The following HTR1E variants were observed in gnomAD, a reference collection of about 807,000 sequenced individuals.
HTR1E encodes 5-HT-1E.
HTR1E carries 3 observed loss-of-function variants against 3.4 expected under a neutral mutation model. The ratio of observed to expected loss-of-function variants is 0.89; its 90% CI spans 0.41 to 2.31. The LOEUF (loss-of-function observed/expected upper bound fraction) is 2.31. Among genes scored for constraint, HTR1E ranks in the 30% most tolerant of loss-of-function variants. The pLI is 0.05. For synonymous variants in HTR1E, 170 were observed against 182.8 expected (o/e 0.93, Z 0.56); for missense variants, 392 against 467.0 (o/e 0.84, Z 1.48).
chr6:87,003,328 A>G (rs1166412956), intron 1 of HTR1E, among the ~76,000 whole-genome samples: 1 of 152,206 alleles, frequency 6.6e-6, no homozygotes, highest in Non-Finnish European at 1.5e-5. Context: ...ACCTGAGGTC[A>G]GGAGTTCAAG....
At chr6:86,979,571 T>C (rs1767683158) in intron 1 of HTR1E, among the ~76,000 whole-genome samples, 1 of 152,152 alleles carries the variant, frequency 6.6e-6, no homozygotes, top group African/African-American at 2.4e-5. Flanking sequence ...TCTATTACAG[T>C]ATAGTTGGAA....
chr6:86,955,744 GTA>G (rs1003461087), intron 1 of HTR1E, among the ~76,000 whole-genome samples: 9 of 151,782 alleles, frequency 5.9e-5, no homozygotes, highest in Admixed American at 2.0e-4. Context: ...GTGTGTGTGT[GTA>G]TGTATGTGTG....
At chr6:86,959,074 G>A (rs1767368224) in intron 1 of HTR1E, among the ~76,000 whole-genome samples, 1 of 151,976 alleles carries the variant, frequency 6.6e-6, no homozygotes. Context: ...AGGTAGGCTG[G>A]AGACCCAGGG....
At chr6:86,972,316 G>A (rs753537603) in intron 1 of HTR1E, among the ~76,000 whole-genome samples, 3 of 152,030 alleles carry the variant, frequency 2.0e-5, no homozygotes, top group Non-Finnish European at 4.4e-5. Context: ...CTATGCAGGG[G>A]TTAAAGGTCA....
chr6:86,997,421 CAT>C (rs1342604025), intron 1 of HTR1E, among the ~76,000 whole-genome samples: 1 of 151,642 alleles, frequency 6.6e-6, no homozygotes, highest in Non-Finnish European at 1.5e-5. Flanking sequence ...TTTCAAATGA[CAT>C]AATCATTTAT....
At chr6:86,976,453 G>T (rs1767640679) in intron 1 of HTR1E, among the ~76,000 whole-genome samples, 1 of 152,110 alleles carries the variant, frequency 6.6e-6, no homozygotes, top group African/African-American at 2.4e-5. Context: ...AGAAACTGTT[G>T]GTTCATACAC....
intron 1 of HTR1E, among the ~76,000 whole-genome samples, chr6:87,006,560 A>C (rs185928760): frequency 2.6e-3 from 395 of 152,346 alleles, no homozygotes; most frequent in African/African-American, 9.0e-3. Flanking sequence ...TTGACCCAGC[A>C]ATCCCATTAC....
chr6:86,972,106 C>G (rs1767566261), intron 1 of HTR1E, among the ~76,000 whole-genome samples: 1 of 152,050 alleles, frequency 6.6e-6, no homozygotes, highest in Non-Finnish European at 1.5e-5. Context: ...GCAATCTTAC[C>G]TACTTTAGTT....
intron 1 of HTR1E, among the ~76,000 whole-genome samples, chr6:86,962,201 G>A (rs1399418825): frequency 2.0e-5 from 3 of 152,196 alleles, no homozygotes; most frequent in Admixed American, 2.0e-4. Context: ...GTGGTAGTAT[G>A]ATCCCCAATC....
At chr6:86,952,402 AG>A (rs572542762) in intron 1 of HTR1E, among the ~76,000 whole-genome samples, 83 of 152,196 alleles carry the variant, frequency 5.5e-4, no homozygotes, top group Non-Finnish European at 1.1e-3. Context: ...TCTTAGCAGG[AG>A]GGGAACAGTA....
chr6:86,981,708 C>T (rs1187582703), intron 1 of HTR1E, among the ~76,000 whole-genome samples: 1 of 152,206 alleles, frequency 6.6e-6, no homozygotes, highest in Admixed American at 6.5e-5. Flanking sequence ...CTACTGCACA[C>T]TGTGTATTAC....
chr6:87,000,635 A>G (rs1212943726), intron 1 of HTR1E, among the ~76,000 whole-genome samples: 1 of 152,232 alleles, frequency 6.6e-6, no homozygotes, highest in African/African-American at 2.4e-5. Flanking sequence ...TTATCCTAAA[A>G]TAGTATATCT....
intron 1 of HTR1E, among the ~76,000 whole-genome samples, chr6:86,980,502 A>T (rs1767697165): frequency 6.6e-6 from 1 of 152,158 alleles, no homozygotes; most frequent in Non-Finnish European, 1.5e-5. Flanking sequence ...ACAGTACAGG[A>T]GGGACTCTCA....
chr6:86,937,939 G>C (rs1329378256), intron 1 of HTR1E, 116 bp downstream of exon 1: 1 of 152,884 alleles, frequency 6.5e-6, no homozygotes, highest in East Asian at 1.9e-4. Context: ...AAAGGCGGCG[G>C]GAGTTGGGAT....
At chr6:87,010,466 G>A (rs1314514152) in intron 1 of HTR1E, among the ~76,000 whole-genome samples, 1 of 151,316 alleles carries the variant, frequency 6.6e-6, no homozygotes, top group East Asian at 1.9e-4. Context: ...TCACCTCCCA[G>A]ACGGGGTCTC....
At chr6:87,013,508 C>G (rs755833608) in intron 1 of HTR1E, among the ~76,000 whole-genome samples, 1 of 152,056 alleles carries the variant, frequency 6.6e-6, no homozygotes, top group Admixed American at 6.5e-5. Flanking sequence ...GTTAACTTTC[C>G]AAAGTGCTGG....
intron 1 of HTR1E, among the ~76,000 whole-genome samples, chr6:86,986,241 A>G (rs1371692996): frequency 6.6e-6 from 1 of 152,194 alleles, no homozygotes; most frequent in Non-Finnish European, 1.5e-5. Context: ...TTTACTATAT[A>G]TGCTTTTTTT....
intron 1 of HTR1E, chr6:86,971,054 A>C (rs1024248284): frequency 9.8e-6 from 5 of 510,528 alleles, no homozygotes; most frequent in Non-Finnish European, 1.5e-5. Flanking sequence ...CACTTCAAAG[A>C]AGCAAATAAC....
rs116215191 is a variant in HTR1E at position 86,993,050 on chromosome 6, A to T, written c.-185-22100A>T. On this transcript the variant is annotated intron_variant, in intron 1 of 1. Coordinates refer to ENST00000305344, the MANE Select transcript of HTR1E (RefSeq NM_000865.3). ...CTCTCCATCCAATAGCTAGATGGAG[A>T]TTAAGAGCACATTAAAGGTTTTTTT... is the stretch of plus-strand genomic sequence containing the variant. Among the ~76,000 whole-genome samples, 416 of 152,252 alleles carry T rather than the reference A, an allele frequency of 2.7e-3. 1 individual carries two copies. The highest frequency in any genetic ancestry group is 9.6e-3 in the African/African-American group (398 of 41,548).
Sources: gnomAD v4.1 joint callset for allele counts (sites outside exome capture counted in the v4.1 genomes callset) on GRCh38, gnomAD v4.1.1 for gene constraint, MANE v1.5 for transcripts, NCBI Gene and HGNC (gene_info 2026-07-23, HGNC 2026-07-21) for gene names.